The following ALDH3B2 variants were observed in gnomAD, a reference collection of about 807,000 sequenced individuals.
The protein encoded by ALDH3B2 is aldehyde dehydrogenase family 3 member B2.
ALDH3B2 carries 45 observed loss-of-function variants against 36.7 expected under a neutral mutation model. The observed-to-expected ratio is 1.23, with a 90% CI of 0.97 to 1.57. ALDH3B2 has a LOEUF of 1.57. Among genes scored for constraint, ALDH3B2 ranks in the 40% most tolerant of loss-of-function variants. ALDH3B2 has a pLI of 0.00. For missense variants in ALDH3B2, 464 were observed against 513.3 expected (o/e 0.90, Z 0.93); for synonymous variants, 217 against 226.5 (o/e 0.96, Z 0.38).
At chr11:67,679,173 A>G (rs900220385), upstream of ALDH3B2, among the ~76,000 whole-genome samples, 3 of 152,144 alleles carry the variant, frequency 2.0e-5, no homozygotes, top group Non-Finnish European at 4.4e-5. Context: ...TAACTTATGG[A>G]AAAAAAATCA....
At chr11:67,678,707 C>CTATATATA (rs36154763), upstream of ALDH3B2, among the ~76,000 whole-genome samples, 1 of 145,526 alleles carries the variant, frequency 6.9e-6, no homozygotes, top group African/African-American at 2.6e-5. Flanking sequence ...ACTATGGTGT[C>CTATATATA]TATATATATA....
At chr11:67,668,888 CTG>C (rs1373526462) in intron 1 of ALDH3B2, among the ~76,000 whole-genome samples, 2 of 143,460 alleles carry the variant, frequency 1.4e-5, no homozygotes, top group African/African-American at 5.3e-5. Flanking sequence ...GTATGGGTGT[CTG>C]TGTGTGTATG....
At chr11:67,666,537 GGCGGGGAGA>G in intron 4 of ALDH3B2, 28 bp downstream of exon 4, 1 of 1,613,016 alleles carries the variant, frequency 6.2e-7, no homozygotes, top group Non-Finnish European at 8.5e-7. Context: ...GGGGCTACTG[GGCGGGGAGA>G]GCATGGGGTT....
chr11:67,667,044 T>G, intron 2 of ALDH3B2, 28 bp from the exon 3 acceptor site: 1 of 1,421,420 alleles, frequency 7.0e-7, no homozygotes. Context: ...TTCAGAGTGG[T>G]CAGGCCCAGA....
chr11:67,666,558 G>A lies in ALDH3B2; in HGVS notation c.151+16C>T, dbSNP rs771278201. 62 of 1,613,752 alleles carry A rather than the reference G, an allele frequency of 3.8e-5. No individual in the cohort carries two copies. Among genetic ancestry groups the A allele is most frequent in the Admixed American group, 2.7e-4 (16 of 60,006 alleles). On this transcript the variant is annotated intron_variant, in intron 4 of 9. Coordinates refer to ENST00000349015, the Ensembl canonical transcript of ALDH3B2. ...ACTGGGCGGGGAGAGCATGGGGTTC[G>A]GAACGCCCTCCTCACCTGCGGCGAG...
intron 1 of ALDH3B2, among the ~76,000 whole-genome samples, chr11:67,680,817 T>G (rs1462966990): frequency 6.6e-6 from 1 of 152,236 alleles, no homozygotes; most frequent in Non-Finnish European, 1.5e-5. Flanking sequence ...CTCTCTCATT[T>G]GGCACCCCAC....
intron 8 of ALDH3B2, 111 bp downstream of exon 8, chr11:67,664,285 C>T: frequency 6.5e-7 from 1 of 1,530,666 alleles, no homozygotes; most frequent in Non-Finnish European, 8.9e-7. Flanking sequence ...TATAGTCACC[C>T]TTGAGGCATC....
At position 67,672,933 on chromosome 11, in the gene ALDH3B2, CT is replaced by C. The variant is rs532673446; in HGVS notation, c.-245+1503del. ...TCTTTCTTTTCTTTTCTTTTCTTTT[CT>C]TTTTTTTTTTTTTTGAGACGGAGTC... On this transcript the variant is annotated intron_variant, in intron 1 of 9. Coordinates refer to ENST00000349015, the Ensembl canonical transcript of ALDH3B2. Among the ~76,000 whole-genome samples, 441 of 118,306 alleles carry C rather than the reference CT, an allele frequency of 3.7e-3. 3 individuals are homozygous for C. The highest frequency in any genetic ancestry group is 9.3e-3 in the African/African-American group (285 of 30,654). 77.6% of individuals were successfully genotyped at this position (118,306 alleles called of 152,430 possible). A position where few individuals can be genotyped will look rare whatever the true frequency, so the allele number is the denominator to read the frequency against.
intron 1 of ALDH3B2, among the ~76,000 whole-genome samples, chr11:67,669,619 G>A (rs1856027643): frequency 6.8e-6 from 1 of 147,422 alleles, no homozygotes; most frequent in Non-Finnish European, 1.5e-5. Context: ...GTGTATGGGT[G>A]TTATATGTGT....
chr11:67,665,307 G>A (rs777463964), exon 7 of ALDH3B2: 1 of 1,610,360 alleles, frequency 6.2e-7, no homozygotes, highest in South Asian at 1.1e-5. Context: ...CGCTCTCGTT[G>A]CTCTGGCCCC....
chr11:67,670,472 G>T (rs1344936215), intron 1 of ALDH3B2, among the ~76,000 whole-genome samples: 1 of 152,150 alleles, frequency 6.6e-6, no homozygotes, highest in African/African-American at 2.4e-5. Context: ...GGCAGTGGGG[G>T]TGGGTGGTGA....
rs1176213164 is a variant in ALDH3B2, at chr11:67,664,551, G to A, written c.718C>T (p.Leu240=). The change falls in exon 8 of 10, where the codon CTG becomes TTG. Residue 240 remains leucine (L), a synonymous_variant. Coordinates refer to ENST00000349015, the Ensembl canonical transcript of ALDH3B2. ...GGCTCCGTCTCCTGCACGTCCACCA[G>A]CACCGTGGGGGCTGCGGGCACCAGA... 1.9e-6 allele frequency: 3 copies of A among 1,613,380 alleles called. No individual in the cohort carries two copies. In the Admixed American group the frequency reaches 5.0e-5, roughly 27 times the overall value.
exon 10 of ALDH3B2, chr11:67,663,068 G>A (rs1308338428): frequency 2.0e-6 from 2 of 1,010,720 alleles, no homozygotes; most frequent in East Asian, 4.8e-5. Flanking sequence ...TGCAGCCCTG[G>A]CAGGCAGGAT....
intron 1 of ALDH3B2, among the ~76,000 whole-genome samples, chr11:67,669,628 G>A (rs1348750720): frequency 6.6e-6 from 1 of 150,706 alleles, no homozygotes; most frequent in Non-Finnish European, 1.5e-5. Context: ...TGTTATATGT[G>A]TATGGGTGTG....
upstream of ALDH3B2, among the ~76,000 whole-genome samples, chr11:67,678,764 C>T (rs187378432): frequency 5.8e-4 from 86 of 148,984 alleles, 1 homozygote; most frequent in African/African-American, 1.8e-3. Flanking sequence ...TATATATACA[C>T]GCTATGGTAT....
upstream of ALDH3B2, among the ~76,000 whole-genome samples, chr11:67,676,195 T>C (rs2514062): frequency 0.92 from 140,030 of 152,216 alleles, 65,415 homozygotes; most frequent in Non-Finnish European, 1. Context: ...TGCAGTGAGC[T>C]GAGAGCACAC....
chr11:67,673,672 G>T (rs35632190), intron 1 of ALDH3B2: 4,692 of 152,404 alleles, frequency 0.031, 100 homozygotes, highest in Non-Finnish European at 0.049. Flanking sequence ...GTCAGAGCTG[G>T]CATCTGGGGC....
chr11:67,672,923 CTTTTCTTTT>C (rs1436913580), intron 1 of ALDH3B2, among the ~76,000 whole-genome samples: 3 of 146,630 alleles, frequency 2.0e-5, no homozygotes, highest in Non-Finnish European at 4.5e-5. Flanking sequence ...CTTTTCTTTT[CTTTTCTTTT>C]CTTTTTTTTT....
exon 10 of ALDH3B2, chr11:67,663,224 G>A: frequency 1.2e-6 from 2 of 1,608,040 alleles, no homozygotes; most frequent in Middle Eastern, 1.7e-4. Context: ...CTCACAGGAG[G>A]GTGCAGCTCT....
Sources: gnomAD v4.1 joint callset for allele counts (sites outside exome capture counted in the v4.1 genomes callset) on GRCh38, gnomAD v4.1.1 for gene constraint, MANE v1.5 for transcripts, NCBI Gene and HGNC (gene_info 2026-07-23, HGNC 2026-07-21) for gene names.